Variants in ZNF469 observed in about 807,000 individuals in gnomAD.
ZNF469 encodes zinc finger protein 469.
ZNF469 carries 1 observed loss-of-function variant against 1.0 expected under a neutral mutation model. The ratio of observed to expected loss-of-function variants is 1.00; its 90% CI spans 0.35 to 4.73. The LOEUF (loss-of-function observed/expected upper bound fraction) is 4.73, where lower values mean the gene tolerates loss of function less well. Among genes scored for constraint, ZNF469 ranks in the 30% most tolerant of loss-of-function variants. The pLI is 0.16. For missense variants in ZNF469, 6,100 were observed against 5,356.3 expected (o/e 1.14, Z -4.33); for synonymous variants, 2,703 against 2,363.4 (o/e 1.14, Z -4.17).
the ZNF469 span, among the ~76,000 whole-genome samples, chr16:88,229,217 G>GA: frequency 3.3e-5 from 5 of 151,914 alleles, no homozygotes; most frequent in Non-Finnish European, 2.9e-5. Context: ...TTTTTCTCGA[G>GA]AAAAAAAACA....
At chr16:88,364,919 C>G in the ZNF469 span, among the ~76,000 whole-genome samples, 1 of 152,124 alleles carries the variant, frequency 6.6e-6, no homozygotes, top group Admixed American at 6.5e-5. Flanking sequence ...AAGCCAAGAT[C>G]ACGCCACTGC....
At chr16:88,415,854 C>T (rs1905288432) in intron 1 of ZNF469, among the ~76,000 whole-genome samples, 1 of 152,214 alleles carries the variant, frequency 6.6e-6, no homozygotes, top group Non-Finnish European at 1.5e-5. Flanking sequence ...AGGCCACACC[C>T]GGCACACAGT....
intron 1 of ZNF469, among the ~76,000 whole-genome samples, chr16:88,417,074 G>GC (rs1022451368): frequency 6.6e-5 from 10 of 152,234 alleles, no homozygotes; most frequent in South Asian, 2.1e-4. Context: ...GGCACCGCCT[G>GC]CCCTTTTCCA....
chr16:88,211,484 G>C, the ZNF469 span, among the ~76,000 whole-genome samples: 2 of 152,160 alleles, frequency 1.3e-5, no homozygotes, highest in African/African-American at 4.8e-5. Context: ...AATGTCTAGT[G>C]ATCTTTTATT....
At chr16:88,172,344 C>G in the ZNF469 span, among the ~76,000 whole-genome samples, 1 of 152,130 alleles carries the variant, frequency 6.6e-6, no homozygotes, top group Non-Finnish European at 1.5e-5. Flanking sequence ...TGTGTTCCCA[C>G]CAGCCAGGAT....
In ZNF469 at chr16:88,435,236, C is replaced by T. The variant is rs1376483666; in HGVS notation, c.7766C>T (p.Ala2589Val). 2 of 1,550,286 alleles carry T rather than the reference C, an allele frequency of 1.3e-6. No individual in the cohort carries two copies. The highest frequency in any genetic ancestry group is 1.4e-5 in the African/African-American group (1 of 73,050). The change falls in exon 3 of 3, where the codon GCC (alanine) becomes GTC (valine). Residue 2589 changes from alanine to valine, a missense_variant. Ala to Val is a moderately conservative substitution (Grantham distance 64). Transcript: ENST00000565624. ...TEHEVDVKTP[A>V]SKPRPDQARE... ...CATGAGGTAGATGTGAAGACTCCGG[C>T]CTCCAAGCCCAGACCAGACCAGGCC...
At chr16:88,206,605 C>T in the ZNF469 span, among the ~76,000 whole-genome samples, 1 of 151,918 alleles carries the variant, frequency 6.6e-6, no homozygotes, top group Non-Finnish European at 1.5e-5. Context: ...TGTCTCTGGT[C>T]CAGCCCAGCA....
chr16:88,139,816 G>C, the ZNF469 span, among the ~76,000 whole-genome samples: 1 of 152,224 alleles, frequency 6.6e-6, no homozygotes, highest in African/African-American at 2.4e-5. Flanking sequence ...CCTGAGTCTG[G>C]TGACTGCATG....
At chr16:88,372,480 G>A in the ZNF469 span, among the ~76,000 whole-genome samples, 1 of 112,382 alleles carries the variant, frequency 8.9e-6, no homozygotes, top group Non-Finnish European at 1.8e-5. Flanking sequence ...CCATCACCAT[G>A]ATTACCACCA....
chr16:88,383,323 G>T (rs1172097730), intron 1 of ZNF469, among the ~76,000 whole-genome samples, 69 bp downstream of exon 1: 2 of 147,532 alleles, frequency 1.4e-5, no homozygotes, highest in African/African-American at 4.9e-5. Context: ...CGGGGCGGGG[G>T]TGTCACCGGG....
chr16:88,326,463 T>C, the ZNF469 span, among the ~76,000 whole-genome samples: 1 of 152,186 alleles, frequency 6.6e-6, no homozygotes, highest in Non-Finnish European at 1.5e-5. Context: ...AATGGTCTAA[T>C]ACACTTCGAG....
chr16:88,215,609 C>T, the ZNF469 span, among the ~76,000 whole-genome samples: 2 of 151,908 alleles, frequency 1.3e-5, no homozygotes, highest in East Asian at 1.9e-4. Context: ...AGTCTGGTCT[C>T]GAACTCCTGA....
At chr16:88,237,212 G>C in the ZNF469 span, among the ~76,000 whole-genome samples, 5,800 of 7,882 alleles carry the variant, frequency 0.74, 2,079 homozygotes, top group South Asian at 0.9. Context: ...GCTCCTGCCA[G>C]TCACCCTCCC....
the ZNF469 span, among the ~76,000 whole-genome samples, chr16:88,267,337 C>T: frequency 1.3e-5 from 2 of 152,222 alleles, no homozygotes. Flanking sequence ...CCAGTGCCTT[C>T]TTGCCCAGCC....
rs1905165126 is a variant in ZNF469 at position 88,411,498 on chromosome 16, AGGG to A, written c.-191-13307_-191-13305del. 2.0e-5 allele frequency among the ~76,000 whole-genome samples: 3 copies of A among 147,968 alleles called. No individual in the cohort carries two copies. In the South Asian group the frequency reaches 6.6e-4, roughly 33 times the overall value. On this transcript the variant is annotated intron_variant, in intron 1 of 2. Transcript: ENST00000565624. ...CAAGCAGGCAGGGGTGCGAGCGGGC[AGGG>A]GTGCAAGCAGGCAGGGGTGCGAGCG...
the ZNF469 span, among the ~76,000 whole-genome samples, chr16:88,299,007 C>T: frequency 3.3e-5 from 5 of 152,268 alleles, no homozygotes; most frequent in African/African-American, 1.2e-4. Flanking sequence ...GAGCCTGTCA[C>T]CCTGCACCTC....
At chr16:88,317,334 C>A in the ZNF469 span, among the ~76,000 whole-genome samples, 1 of 152,258 alleles carries the variant, frequency 6.6e-6, no homozygotes, top group Non-Finnish European at 1.5e-5. Context: ...ATGCTCACAG[C>A]ACCTCACCTG....
chr16:88,227,948 T>G, the ZNF469 span, among the ~76,000 whole-genome samples: 1 of 152,220 alleles, frequency 6.6e-6, no homozygotes, highest in Non-Finnish European at 1.5e-5. Flanking sequence ...GCCTCCATCC[T>G]TAGGGGAACT....
chr16:88,361,359 G>C, the ZNF469 span, among the ~76,000 whole-genome samples: 1 of 152,186 alleles, frequency 6.6e-6, no homozygotes, highest in East Asian at 1.9e-4. Context: ...CTGCCCTAGA[G>C]GAAGCACACA....
Sources: allele counts gnomAD v4.1 joint callset (sites outside exome capture counted in the v4.1 genomes callset), GRCh38; gene constraint gnomAD v4.1.1; transcripts MANE v1.5; gene names NCBI Gene and HGNC (gene_info 2026-07-23, HGNC 2026-07-21).